Variants in MFSD11 observed in about 807,000 individuals in gnomAD.
MFSD11 encodes the protein major facilitator superfamily domain containing 11.
In MFSD11, 36 loss-of-function variants were observed where a neutral mutation model predicts 53.5. The ratio of observed to expected loss-of-function variants is 0.67; its 90% CI spans 0.52 to 0.89. The LOEUF is 0.89. Among genes scored for constraint, MFSD11 ranks in the 40% least tolerant of loss-of-function variants. MFSD11 has a pLI of 0.00. For missense variants in MFSD11, 530 were observed against 543.9 expected, an observed-to-expected ratio of 0.97 and a Z score of 0.25; for synonymous variants, 186 against 184.9, an observed-to-expected ratio of 1.01 and a Z score of -0.05.
the MFSD11 span, among the ~76,000 whole-genome samples, chr17:76,803,350 G>C: frequency 1.3e-5 from 2 of 152,184 alleles, no homozygotes; most frequent in African/African-American, 4.8e-5. Flanking sequence ...TTGGTTTATA[G>C]TTTAAAACAA....
chr17:76,756,692 T>C (rs2079665570), intron 8 of MFSD11, among the ~76,000 whole-genome samples: 1 of 151,870 alleles, frequency 6.6e-6, no homozygotes, highest in South Asian at 2.1e-4. Context: ...GAAACCCATC[T>C]CTACTGAAAA....
downstream of MFSD11, among the ~76,000 whole-genome samples, chr17:76,783,235 G>A (rs1466880791): frequency 6.6e-6 from 1 of 151,472 alleles, no homozygotes; most frequent in Non-Finnish European, 1.5e-5. Context: ...CAAAACTTTT[G>A]TCTTCATACT....
At chr17:76,792,659 C>G in the MFSD11 span, among the ~76,000 whole-genome samples, 1 of 151,214 alleles carries the variant, frequency 6.6e-6, no homozygotes, top group South Asian at 2.1e-4. Flanking sequence ...TCCATGGTAA[C>G]GGGGAATTGA....
intron 3 of MFSD11, among the ~76,000 whole-genome samples, chr17:76,741,370 G>T (rs2078066513): frequency 6.6e-6 from 1 of 152,146 alleles, no homozygotes; most frequent in Admixed American, 6.5e-5. Flanking sequence ...GGATTCAAAT[G>T]AAATAACTAA....
At chr17:76,775,311 A>G in intron 11 of MFSD11, 140 bp downstream of exon 11, 1 of 663,998 alleles carries the variant, frequency 1.5e-6, no homozygotes, top group Non-Finnish European at 2.4e-6. Flanking sequence ...TCATGGAGTC[A>G]GACTGAGTTT....
At chr17:76,792,651 C>T in the MFSD11 span, among the ~76,000 whole-genome samples, 9 of 151,222 alleles carry the variant, frequency 6.0e-5, no homozygotes, top group African/African-American at 2.2e-4. Flanking sequence ...ATGTTAGTTC[C>T]ATGGTAACGG....
rs2081861860 is a variant in MFSD11, at chr17:76,776,674, T to G, written c.1185+133T>G. 2 of 896,262 alleles carry G rather than the reference T, an allele frequency of 2.2e-6. No individual in the cohort carries two copies. The highest frequency in any genetic ancestry group is 3.1e-6 in the Non-Finnish European group (2 of 644,536). 55.5% of individuals were successfully genotyped at this position (896,262 alleles called of 1,614,324 possible). A position where few individuals can be genotyped will look rare whatever the true frequency, so the allele number is the denominator to read the frequency against. On this transcript the variant is annotated intron_variant, in intron 12 of 12. Coordinates refer to ENST00000685175, the MANE Select transcript of MFSD11 (RefSeq NM_001242532.5). The surrounding 1 kb of genome is among the most constrained non-coding windows in gnomAD (Gnocchi z 4.2). Reference sequence around the variant, plus strand: ...TTTTATTTTTTTGATAGAGTCTCTCTCTGTCACTCAGGCTGGAGTGCAGTA... The same window carrying G: ...TTTTATTTTTTTGATAGAGTCTCTCGCTGTCACTCAGGCTGGAGTGCAGTA...
intron 10 of MFSD11, among the ~76,000 whole-genome samples, chr17:76,770,683 T>C (rs2081309937): frequency 6.6e-6 from 1 of 152,198 alleles, no homozygotes; most frequent in Non-Finnish European, 1.5e-5. Flanking sequence ...CCCTTCATGT[T>C]TGATAATTTG....
the MFSD11 span, among the ~76,000 whole-genome samples, chr17:76,788,751 G>A: frequency 6.7e-6 from 1 of 148,986 alleles, no homozygotes; most frequent in Admixed American, 6.7e-5. Context: ...TACTTGGGAG[G>A]CTGAGGCAGG....
Position 76,741,078 on chromosome 17 carries a change from T to A in MFSD11, c.260+14T>A, listed in dbSNP as rs767377085. On this transcript the variant is annotated intron_variant, in intron 3 of 12. Transcript: ENST00000685175. ...TTTATTTTACAGGTAAGTAGTGTAA[T>A]CTTGCACTTATTTAATCAGAACACT... The A allele has an allele frequency of 4.3e-6, 6 of 1,409,914 alleles. No homozygotes were observed. The highest frequency in any genetic ancestry group is 1.7e-4 in the Middle Eastern group (1 of 5,744). The allele number at this position is 1,409,914 out of a possible 1,614,324, so 87.3% of individuals were successfully genotyped here.
chr17:76,788,268 C>A, the MFSD11 span, among the ~76,000 whole-genome samples: 1 of 149,428 alleles, frequency 6.7e-6, no homozygotes, highest in Non-Finnish European at 1.5e-5. Flanking sequence ...TTTCAAACTC[C>A]TGAGCTCAGG....
Position 76,738,972 on chromosome 17 carries a change from T to C in MFSD11, c.131T>C (p.Phe44Ser). The stretch of plus-strand genomic sequence containing the variant: ...ATCAGGAGCTTAAATAGGACAGATT[T>C]TCACGGCAGTGGATATACCAGGTAT... The part of the protein sequence containing the change: ...TVIRSLNRTD[F>S]HGSGYTSMAI... The change falls in exon 2 of 13, where the codon TTT (phenylalanine) becomes TCT (serine). Residue 44 changes from phenylalanine (F) to serine (S), a missense_variant. By Grantham distance (155) the Phe-to-Ser change is radical. Coordinates refer to ENST00000685175, the MANE Select transcript of MFSD11 (RefSeq NM_001242532.5). The C allele has an allele frequency of 6.2e-7, 1 of 1,614,008 alleles. No homozygotes were observed. Among genetic ancestry groups the C allele is most frequent in the Non-Finnish European group, 8.5e-7 (1 of 1,179,846 alleles).
chr17:76,782,746 G>A (rs142999639), downstream of MFSD11, among the ~76,000 whole-genome samples: 8,714 of 151,562 alleles, frequency 0.057, 870 homozygotes, highest in African/African-American at 0.2. Context: ...CCAAAGTGCC[G>A]GGATTACAGG....
At chr17:76,738,623 T>C (rs2077736797) in intron 1 of MFSD11, 175 bp downstream of exon 1, 1 of 617,444 alleles carries the variant, frequency 1.6e-6, no homozygotes, top group East Asian at 2.7e-5. Context: ...ACATTTCTCA[T>C]GGGGGCGTTA....
the MFSD11 span, among the ~76,000 whole-genome samples, chr17:76,788,738 A>C: frequency 6.7e-6 from 1 of 148,474 alleles, no homozygotes; most frequent in East Asian, 2.0e-4. Flanking sequence ...CTGTAGTCCC[A>C]GTTACTTGGG....
At chr17:76,788,917 G>A in the MFSD11 span, among the ~76,000 whole-genome samples, 4,010 of 148,588 alleles carry the variant, frequency 0.027, 309 homozygotes, top group African/African-American at 0.093. Context: ...TGAGGCGGGC[G>A]CATCACCTGA....
intron 9 of MFSD11, among the ~76,000 whole-genome samples, 163 bp downstream of exon 9, chr17:76,767,614 G>A (rs183912080): frequency 1.3e-5 from 2 of 152,090 alleles, no homozygotes; most frequent in Admixed American, 6.5e-5. Flanking sequence ...TTTCCTTCAC[G>A]TGTCGCCTTC....
Position 76,738,334 on chromosome 17 carries a change from C to A in MFSD11, c.-19C>A, listed in dbSNP as rs756208327. ...AGCTGACTGCCCTGGGCTGCTGCCT[C>A]CGGCAGAGCTGAGCCAAAATGTCCC... On this transcript the variant is annotated 5_prime_UTR_variant, in exon 1 of 13. Transcript: ENST00000685175. 3 of 1,592,804 alleles carry A rather than the reference C, an allele frequency of 1.9e-6. No homozygotes were observed.
At chr17:76,750,998 A>G (rs2079008517) in intron 7 of MFSD11, among the ~76,000 whole-genome samples, 1 of 150,834 alleles carries the variant, frequency 6.6e-6, no homozygotes, top group African/African-American at 2.4e-5. Context: ...GTGGGGTTTC[A>G]CCATGTTGGC....
Sources: gnomAD v4.1 joint callset for allele counts (sites outside exome capture counted in the v4.1 genomes callset) on GRCh38, gnomAD v4.1.1 for gene constraint, Gnocchi (gnomAD v3.1) non-coding constraint, MANE v1.5 for transcripts, NCBI Gene and HGNC (gene_info 2026-07-23, HGNC 2026-07-21) for gene names.